KLF12: variants seen among roughly 807,000 people sequenced by gnomAD.
The protein encoded by KLF12 is Krueppel-like factor 12.
KLF12 carries 9 observed loss-of-function variants against 37.8 expected under a neutral mutation model. The observed-to-expected ratio is 0.24, with a 90% CI of 0.14 to 0.42. The LOEUF (loss-of-function observed/expected upper bound fraction) is 0.42, where lower values mean the gene tolerates loss of function less well. Ranked by LOEUF, KLF12 falls within the 10% of genes least tolerant of loss-of-function variation. The probability of loss-of-function intolerance (pLI) is 1.00; values close to 1 mark genes in which losing one functional copy is unlikely to be tolerated. For synonymous variants in KLF12, 208 were observed against 202.1 expected (o/e 1.03, Z -0.25); for missense variants, 411 against 516.0 (o/e 0.80, Z 1.97).
At chr13:74,021,578 C>T (rs1305098422) in intron 1 of KLF12, among the ~76,000 whole-genome samples, 1 of 152,034 alleles carries the variant, frequency 6.6e-6, no homozygotes, top group Non-Finnish European at 1.5e-5. Flanking sequence ...GCTGACTGCA[C>T]ACATCTCTTT....
the KLF12 span, among the ~76,000 whole-genome samples, chr13:74,203,771 C>T: frequency 2.6e-5 from 4 of 152,066 alleles, no homozygotes; most frequent in Non-Finnish European, 4.4e-5. Flanking sequence ...ATCCAGTGCT[C>T]AGGTTACAGA....
intron 1 of KLF12, among the ~76,000 whole-genome samples, chr13:74,024,760 G>A (rs1354383508): frequency 1.3e-5 from 2 of 152,164 alleles, no homozygotes; most frequent in East Asian, 3.8e-4. Flanking sequence ...ATATGCAAAT[G>A]CACTTGAGGG....
intron 3 of KLF12, among the ~76,000 whole-genome samples, chr13:73,937,364 T>C (rs1034738207): frequency 6.6e-6 from 1 of 152,166 alleles, no homozygotes; most frequent in Admixed American, 6.5e-5. Flanking sequence ...GACCATGATC[T>C]TGTAGAAGCT....
At chr13:73,786,305 T>TA (rs1566367140) in intron 5 of KLF12, among the ~76,000 whole-genome samples, 1 of 152,150 alleles carries the variant, frequency 6.6e-6, no homozygotes, top group Non-Finnish European at 1.5e-5. Context: ...CCAAGAACCC[T>TA]AAAAACACTT....
intron 5 of KLF12, chr13:73,801,872 TC>T (rs562964534): frequency 9.4e-4 from 143 of 152,276 alleles, no homozygotes; most frequent in African/African-American, 3.2e-3. Context: ...AATTTTGGAA[TC>T]CCCTACTTAA....
chr13:73,857,105 T>C (rs1413155389), intron 3 of KLF12, among the ~76,000 whole-genome samples: 1 of 152,216 alleles, frequency 6.6e-6, no homozygotes, highest in Non-Finnish European at 1.5e-5. Flanking sequence ...TCCCATGGAA[T>C]GATCTCACAA....
rs137894578 is a variant in KLF12, at chr13:73,874,916, T to C, written c.124-28543A>G. Among the ~76,000 whole-genome samples the C allele has an allele frequency of 7.0e-4, 106 of 152,284 alleles. 1 individual carries two copies. The highest frequency in any genetic ancestry group is 3.4e-3 in the Middle Eastern group (1 of 294). The stretch of plus-strand genomic sequence containing the variant: ...TATAGCTCTTTGCCCTTACAAAGTT[T>C]CAAAGATCTACAGTCATTACTAAAG... On this transcript the variant is annotated intron_variant, in intron 3 of 7. Coordinates refer to ENST00000377669, the MANE Select transcript of KLF12 (RefSeq NM_007249.5).
intron 5 of KLF12, among the ~76,000 whole-genome samples, chr13:73,805,774 T>A (rs1236740414): frequency 6.6e-6 from 1 of 152,178 alleles, no homozygotes; most frequent in Non-Finnish European, 1.5e-5. Flanking sequence ...AGCTAAAAAA[T>A]TCTGCTAATT....
upstream of KLF12, among the ~76,000 whole-genome samples, chr13:74,135,711 C>G (rs1433555320): frequency 6.6e-6 from 1 of 152,060 alleles, no homozygotes; most frequent in Admixed American, 6.5e-5. Flanking sequence ...CGCCCCCGGC[C>G]CGGCCCGCCC....
At chr13:73,844,422 A>G (rs1884908084) in intron 4 of KLF12, among the ~76,000 whole-genome samples, 1 of 152,174 alleles carries the variant, frequency 6.6e-6, no homozygotes, top group Non-Finnish European at 1.5e-5. Context: ...CGTTTTCACT[A>G]GAGAATAGTG....
intron 2 of KLF12, among the ~76,000 whole-genome samples, chr13:73,945,680 G>A (rs889243788): frequency 6.6e-6 from 1 of 151,674 alleles, no homozygotes; most frequent in Admixed American, 6.6e-5. Context: ...TGGAGTTAAT[G>A]AGCATTTAAA....
the KLF12 span, among the ~76,000 whole-genome samples, chr13:74,170,928 C>A: frequency 6.6e-6 from 1 of 152,088 alleles, no homozygotes. Flanking sequence ...CCATGCCCGG[C>A]AAATTTTTGC....
chr13:74,119,675 G>C (rs1195445832), intron 1 of KLF12, among the ~76,000 whole-genome samples: 1 of 152,170 alleles, frequency 6.6e-6, no homozygotes, highest in Non-Finnish European at 1.5e-5. Context: ...TTGAATAGAT[G>C]GGGGAGAGGT....
intron 1 of KLF12, among the ~76,000 whole-genome samples, chr13:74,080,805 T>C (rs1334078408): frequency 3.9e-5 from 6 of 152,194 alleles, no homozygotes; most frequent in Non-Finnish European, 7.3e-5. Flanking sequence ...GCAATGGAAA[T>C]TGATCAGTTT....
the KLF12 span, among the ~76,000 whole-genome samples, chr13:74,260,573 A>T: frequency 1.3e-5 from 1 of 75,818 alleles, no homozygotes; most frequent in South Asian, 5.1e-4. Flanking sequence ...ATAAAATAAA[A>T]TAAATAAAAT....
chr13:74,168,848 AAGAATCAAAG>A, the KLF12 span, among the ~76,000 whole-genome samples: 1 of 152,232 alleles, frequency 6.6e-6, no homozygotes, highest in East Asian at 1.9e-4. Flanking sequence ...TGCCTTTGGG[AAGAATCAAAG>A]AAGAAAAGCT....
At chr13:73,962,656 T>C (rs1891054608) in intron 2 of KLF12, among the ~76,000 whole-genome samples, 1 of 152,200 alleles carries the variant, frequency 6.6e-6, no homozygotes, top group Non-Finnish European at 1.5e-5. Flanking sequence ...AAATAAAGTG[T>C]ATTTTAAAAA....
chr13:74,102,958 C>T (rs1876444938), intron 1 of KLF12, among the ~76,000 whole-genome samples: 1 of 152,220 alleles, frequency 6.6e-6, no homozygotes, highest in South Asian at 2.1e-4. Context: ...GTCATATCAA[C>T]ATGGACTTCC....
At chr13:74,123,221 G>A (rs894955046) in intron 1 of KLF12, among the ~76,000 whole-genome samples, 8 of 152,026 alleles carry the variant, frequency 5.3e-5, no homozygotes, top group Non-Finnish European at 1.2e-4. Context: ...CGTTTAAAAT[G>A]TATTATACAC....
Sources: gnomAD v4.1 joint callset for allele counts (sites outside exome capture counted in the v4.1 genomes callset) on GRCh38, gnomAD v4.1.1 for gene constraint, MANE v1.5 for transcripts, NCBI Gene and HGNC (gene_info 2026-07-23, HGNC 2026-07-21) for gene names.